Variants in TIAM2 observed in about 807,000 individuals in gnomAD.
The protein encoded by TIAM2 is TIAM Rac1 associated GEF 2.
Under a neutral mutation model 152.9 loss-of-function variants are expected in TIAM2, and 80 were observed. The observed-to-expected ratio is 0.52, with a 90% CI of 0.44 to 0.63. The LOEUF (loss-of-function observed/expected upper bound fraction) is 0.63, where lower values mean the gene tolerates loss of function less well. Ranked by LOEUF, TIAM2 falls within the 30% of genes least tolerant of loss-of-function variation. The pLI is 0.00. For missense variants in TIAM2, 1,965 were observed against 2,120.1 expected, an observed-to-expected ratio of 0.93 and a Z score of 1.44; for synonymous variants, 804 against 838.0, an observed-to-expected ratio of 0.96 and a Z score of 0.70.
At chr6:155,147,767 G>A (rs1038554105) in intron 6 of TIAM2, among the ~76,000 whole-genome samples, 1 of 152,222 alleles carries the variant, frequency 6.6e-6, no homozygotes, top group Non-Finnish European at 1.5e-5. Flanking sequence ...TTACAGGCGT[G>A]AGCCACCGTG....
chr6:155,230,479 C>T (rs182413346), intron 15 of TIAM2, among the ~76,000 whole-genome samples: 51 of 152,302 alleles, frequency 3.3e-4, no homozygotes, highest in Middle Eastern at 3.4e-3. Flanking sequence ...CCCCCACTTT[C>T]GGCACTGGTC....
At chr6:155,003,207 G>A (rs914804214) in intron 1 of TIAM2, among the ~76,000 whole-genome samples, 1 of 151,964 alleles carries the variant, frequency 6.6e-6, no homozygotes, top group African/African-American at 2.4e-5. Flanking sequence ...AATACATAAA[G>A]GTTGATCCGT....
intron 2 of TIAM2, among the ~76,000 whole-genome samples, chr6:155,113,367 C>A (rs1366462609): frequency 6.6e-6 from 1 of 152,130 alleles, no homozygotes; most frequent in African/African-American, 2.4e-5. Context: ...CTCCACGTTG[C>A]CTCCTCCCCC....
intron 7 of TIAM2, among the ~76,000 whole-genome samples, chr6:155,160,928 G>A (rs1162982175): frequency 6.6e-6 from 1 of 152,166 alleles, no homozygotes; most frequent in East Asian, 1.9e-4. Flanking sequence ...AGTTTATTGA[G>A]ATACTGGTTG....
chr6:155,117,725 G>A (rs979494982), intron 2 of TIAM2, among the ~76,000 whole-genome samples: 2 of 152,120 alleles, frequency 1.3e-5, no homozygotes, highest in African/African-American at 4.8e-5. Context: ...TTACAGGCAC[G>A]AGCCACTGTG....
chr6:155,021,351 T>G (rs1776486326), intron 1 of TIAM2, among the ~76,000 whole-genome samples: 1 of 152,058 alleles, frequency 6.6e-6, no homozygotes, highest in Non-Finnish European at 1.5e-5. Flanking sequence ...AACCTCTGCC[T>G]CCCGGGTTAA....
chr6:155,243,946 A>AC (rs923396719), intron 16 of TIAM2, 65 bp from the exon 17 acceptor site: 1 of 1,400,080 alleles, frequency 7.1e-7, no homozygotes, highest in Non-Finnish European at 1.0e-6. Flanking sequence ...GGTTGCTGCT[A>AC]CCCAAATCTC....
chr6:155,061,102 G>A (rs1293241440), intron 1 of TIAM2, among the ~76,000 whole-genome samples: 7 of 152,146 alleles, frequency 4.6e-5, no homozygotes, highest in East Asian at 1.9e-4. Context: ...AGGTGTGCCC[G>A]TTGCTATTGG....
chr6:155,185,599 C>T (rs886514058), intron 14 of TIAM2, among the ~76,000 whole-genome samples: 7 of 151,950 alleles, frequency 4.6e-5, no homozygotes, highest in African/African-American at 1.5e-4. Flanking sequence ...TTCTATTACT[C>T]ATCTTAGGCA....
At chr6:155,043,002 A>C (rs971951431) in intron 1 of TIAM2, among the ~76,000 whole-genome samples, 5 of 152,182 alleles carry the variant, frequency 3.3e-5, no homozygotes, top group Non-Finnish European at 5.9e-5. Context: ...GCACCTGCTG[A>C]GTGCCAGTTA....
chr6:155,128,143 C>T (rs1265020562), intron 3 of TIAM2, among the ~76,000 whole-genome samples: 1 of 152,138 alleles, frequency 6.6e-6, no homozygotes, highest in Non-Finnish European at 1.5e-5. Flanking sequence ...AAGTAAGAGT[C>T]TAATATTAAG....
At chr6:155,055,031 T>C (rs1462473488) in intron 1 of TIAM2, among the ~76,000 whole-genome samples, 1 of 152,160 alleles carries the variant, frequency 6.6e-6, no homozygotes. Flanking sequence ...CAGGAAGCCC[T>C]GGGACATGAT....
Position 155,130,401 on chromosome 6 carries a change from A to T in TIAM2, c.1178A>T (p.Lys393Met), listed in dbSNP as rs1779420719. The T allele has an allele frequency of 6.2e-7, 1 of 1,613,396 alleles. No individual in the cohort carries two copies. The highest frequency in any genetic ancestry group is 8.5e-7 in the Non-Finnish European group (1 of 1,179,852). ...ISDWTGSLSR[K>M]KRKLQEPRSK... Reference sequence around the variant, plus strand: ...GACTGGACGGGAAGCCTCTCAAGGAAGAAAAGGAAACTCCAGGTGAGCATA... The same window carrying T: ...GACTGGACGGGAAGCCTCTCAAGGATGAAAAGGAAACTCCAGGTGAGCATA... Residue 393 changes from lysine to methionine, a missense_variant, in exon 4 of 27, where the codon AAG (lysine) becomes ATG (methionine). Lys to Met is a moderately conservative substitution (Grantham distance 95). Coordinates refer to ENST00000682666, the MANE Select transcript of TIAM2 (RefSeq NM_012454.4).
chr6:155,152,453 GCT>G (rs1006721807), intron 7 of TIAM2, among the ~76,000 whole-genome samples: 4 of 152,180 alleles, frequency 2.6e-5, no homozygotes, highest in Non-Finnish European at 4.4e-5. Context: ...GTACCTCCCC[GCT>G]CTCTGTCTGT....
intron 15 of TIAM2, among the ~76,000 whole-genome samples, chr6:155,239,407 C>T (rs556820266): frequency 1.2e-4 from 19 of 152,292 alleles, no homozygotes; most frequent in African/African-American, 3.4e-4. Flanking sequence ...GCCACCCTGC[C>T]CTCACTGGGC....
At chr6:155,115,170 TA>T (rs11327910) in intron 2 of TIAM2, among the ~76,000 whole-genome samples, 81,076 of 132,626 alleles carry the variant, frequency 0.61, 23,479 homozygotes, top group Admixed American at 0.73. Context: ...TAAATTGTAC[TA>T]AAAAAAAAAA....
At position 155,129,450 on chromosome 6, in the gene TIAM2, C is replaced by A; in HGVS notation, c.227C>A (p.Ser76Ter). 6.2e-7 allele frequency: 1 copy of A among 1,614,124 alleles called. No individual in the cohort carries two copies. The highest frequency in any genetic ancestry group is 8.5e-7 in the Non-Finnish European group (1 of 1,180,022). ...TTTAAGAGTAACCAGCCTTACGCATCGAGACTCGGTGGCCCCACATGCAAG... is the reference window on the plus strand; with the variant it reads ...TTTAAGAGTAACCAGCCTTACGCATAGAGACTCGGTGGCCCCACATGCAAG... Reference protein sequence around the residue: ...SHFKSNQPYASRLGGPTCKVS... With the variant: ...SHFKSNQPYA The change falls in exon 4 of 27, where the codon TCG becomes TAG. Residue 76 changes from serine (S) to a stop codon, truncating the protein, a stop_gained. Transcript: ENST00000682666. LOFTEE classifies it high-confidence loss of function. This position sits in a 1 kb window ranked among gnomAD's most constrained non-coding sequence, Gnocchi z 4.8.
intron 15 of TIAM2, among the ~76,000 whole-genome samples, chr6:155,228,382 T>C (rs1782320918): frequency 6.6e-6 from 1 of 152,182 alleles, no homozygotes; most frequent in Non-Finnish European, 1.5e-5. Flanking sequence ...TGGCGCTTTA[T>C]TGTCCAATCA....
At chr6:155,189,670 A>G (rs551347103) in intron 14 of TIAM2, among the ~76,000 whole-genome samples, 20 of 152,252 alleles carry the variant, frequency 1.3e-4, no homozygotes, top group African/African-American at 4.1e-4. Flanking sequence ...ACATTATTTC[A>G]TACTCTCAAG....
Sources: gnomAD v4.1 joint callset for allele counts (sites outside exome capture counted in the v4.1 genomes callset) on GRCh38, gnomAD v4.1.1 for gene constraint, Gnocchi (gnomAD v3.1) non-coding constraint, MANE v1.5 for transcripts, NCBI Gene and HGNC (gene_info 2026-07-23, HGNC 2026-07-21) for gene names.